The following VNN2 variants were observed in gnomAD, a reference collection of about 807,000 sequenced individuals.
VNN2 encodes the protein vanin 2.
Under a neutral mutation model 43.0 loss-of-function variants are expected in VNN2, and 43 were observed. The ratio of observed to expected loss-of-function variants is 1.00; its 90% confidence interval spans 0.78 to 1.29. VNN2 has a LOEUF of 1.29. VNN2 is among the 50% of genes most tolerant of loss of function. The probability of loss-of-function intolerance (pLI) is 0.00; values close to 1 mark genes in which losing one functional copy is unlikely to be tolerated. For synonymous variants in VNN2, 230 were observed against 224.3 expected (o/e 1.03, Z -0.23); for missense variants, 652 against 619.7 (o/e 1.05, Z -0.55).
chr6:132,755,962 A>C lies in VNN2; in HGVS notation c.418T>G (p.Leu140Val), dbSNP rs917019142. 2 of 1,613,946 alleles carry C rather than the reference A, an allele frequency of 1.2e-6. No individual in the cohort carries two copies. The highest frequency in any genetic ancestry group is 1.7e-6 in the Non-Finnish European group (2 of 1,179,992). The change falls in exon 3 of 7, where the codon TTG becomes GTG. Residue 140 changes from leucine to valine, a missense_variant. Coordinates refer to ENST00000326499, the MANE Select transcript of VNN2 (RefSeq NM_004665.6). ...KDNSIYVLAN[L>V]GDKKPCNSRD... ...GAATTACATGGCTTTTTGTCCCCCA[A>C]ATTTGCCAAGACATAGATAGAGTTG... is the stretch of plus-strand genomic sequence containing the variant.
chr6:132,755,770 A>T, intron 3 of VNN2, 73 bp downstream of exon 3: 2 of 1,428,240 alleles, frequency 1.4e-6, no homozygotes, highest in Non-Finnish European at 1.9e-6. Context: ...TAGGGAATGA[A>T]ATTCAAACTC....
At chr6:132,762,125 A>AC (rs2114646715), upstream of VNN2, among the ~76,000 whole-genome samples, 1 of 152,256 alleles carries the variant, frequency 6.6e-6, no homozygotes, top group East Asian at 1.9e-4. Flanking sequence ...CTGGGCATCA[A>AC]CTCCTGATTC....
chr6:132,744,587 T>C, intron 6 of VNN2, 96 bp from the exon 7 acceptor site: 1 of 1,216,052 alleles, frequency 8.2e-7, no homozygotes, highest in Non-Finnish European at 1.1e-6. Flanking sequence ...TAATGTATAG[T>C]CAAATCATTT....
intron 3 of VNN2, among the ~76,000 whole-genome samples, chr6:132,754,404 T>C (rs1285716013): frequency 3.9e-5 from 6 of 152,194 alleles, no homozygotes; most frequent in Non-Finnish European, 4.4e-5. Flanking sequence ...AAAATACATA[T>C]ATTGAGGACT....
chr6:132,757,616 C>G (rs555291920), intron 1 of VNN2, 55 bp downstream of exon 1: 1 of 1,607,418 alleles, frequency 6.2e-7, no homozygotes, highest in African/African-American at 1.3e-5. Context: ...CTCTCGTCTT[C>G]CACCAGCTCC....
At chr6:132,760,303 T>C (rs1780710268), upstream of VNN2, among the ~76,000 whole-genome samples, 1 of 152,164 alleles carries the variant, frequency 6.6e-6, no homozygotes, top group Admixed American at 6.5e-5. Flanking sequence ...GCCTCGCTAG[T>C]AGCTGGAACA....
In VNN2 at chr6:132,751,360, GT is replaced by G; in HGVS notation, c.984del (p.Lys328AsnfsTer42). The G allele has an allele frequency of 6.2e-7, 1 of 1,614,166 alleles. No homozygotes were observed. The highest frequency in any genetic ancestry group is 8.5e-7 in the Non-Finnish European group (1 of 1,180,024). On this transcript the variant is annotated frameshift_variant, in exon 5 of 7. Transcript: ENST00000326499. LOFTEE classifies it high-confidence loss of function. Reference sequence around the variant, plus strand: ...AAAGTGTTTTTCTGTACTGGAAATGGTTTGATGGTGGTGGCGTAGGCATTCC... The same window carrying G: ...AAAGTGTTTTTCTGTACTGGAAATGGTTGATGGTGGTGGCGTAGGCATTCC... ...VNWNAYATTI[K>X]PFPVQKNTFR...
Position 132,752,612 on chromosome 6 carries a change from T to G in VNN2, c.675A>C (p.Lys225Asn). ...FFYDPGVTLVKDFHVDTILFP... is the reference protein window; with the variant it reads ...FFYDPGVTLVNDFHVDTILFP... ...ACAGTATGGTGTCCACATGGAAATC[T>G]TTCACCAGGGTAACACCAGGATCAT... The change falls in exon 4 of 7, where the codon AAA becomes AAC. Residue 225 changes from lysine (K) to asparagine (N), a missense_variant. Transcript: ENST00000326499. 1.9e-6 allele frequency: 3 copies of G among 1,614,152 alleles called. No individual in the cohort carries two copies. Among genetic ancestry groups the G allele is most frequent in the Non-Finnish European group, 2.5e-6 (3 of 1,180,024 alleles).
intron 3 of VNN2, 95 bp from the exon 4 acceptor site, chr6:132,752,844 G>A (rs1364021815): frequency 2.2e-6 from 3 of 1,361,256 alleles, no homozygotes; most frequent in Non-Finnish European, 3.0e-6. Context: ...TTTGGCTATG[G>A]TCAACTGCAG....
intron 6 of VNN2, among the ~76,000 whole-genome samples, chr6:132,747,596 A>T (rs192039421): frequency 2.8e-4 from 43 of 152,298 alleles, no homozygotes; most frequent in African/African-American, 1.0e-3. Context: ...CAGTCTGGGC[A>T]ACACAGCGAG....
chr6:132,747,815 C>T (rs1350746545), intron 6 of VNN2, among the ~76,000 whole-genome samples: 2 of 152,184 alleles, frequency 1.3e-5, no homozygotes, highest in Non-Finnish European at 2.9e-5. Context: ...CGTTCTCCAA[C>T]TCTTCATGCA....
intron 5 of VNN2, among the ~76,000 whole-genome samples, chr6:132,750,499 A>ATGTATATATGTG (rs747127982): frequency 5.7e-5 from 4 of 70,012 alleles, no homozygotes; most frequent in African/African-American, 1.1e-4. Flanking sequence ...GTATATGTGT[A>ATGTATATATGTG]TATATATATA....
exon 1 of VNN2, chr6:132,763,398 G>A (rs1320120066): frequency 6.6e-6 from 1 of 152,100 alleles, no homozygotes; most frequent in African/African-American, 2.4e-5. Flanking sequence ...TAGTCAAGGG[G>A]GAGCCTTCCA....
chr6:132,753,406 C>T (rs1368681500), intron 3 of VNN2: 5 of 419,816 alleles, frequency 1.2e-5, no homozygotes, highest in African/African-American at 2.1e-5. Flanking sequence ...TTAATAGATG[C>T]ATAATAAATA....
upstream of VNN2, among the ~76,000 whole-genome samples, chr6:132,761,100 A>G (rs1477705433): frequency 6.6e-6 from 1 of 152,204 alleles, no homozygotes; most frequent in Non-Finnish European, 1.5e-5. Context: ...CTTCAGAAGT[A>G]AAAAACCAAA....
At chr6:132,750,400 G>A (rs937216193) in intron 5 of VNN2, among the ~76,000 whole-genome samples, 7 of 151,584 alleles carry the variant, frequency 4.6e-5, no homozygotes, top group Non-Finnish European at 1.0e-4. Flanking sequence ...AGCAATTTGG[G>A]AGGCCGAGGC....
At chr6:132,747,284 TG>T (rs1462876551) in intron 6 of VNN2, among the ~76,000 whole-genome samples, 2 of 152,142 alleles carry the variant, frequency 1.3e-5, no homozygotes, top group Middle Eastern at 3.2e-3. Context: ...AAATATCTCC[TG>T]TAACCCATAA....
upstream of VNN2, among the ~76,000 whole-genome samples, chr6:132,760,186 T>C (rs906894372): frequency 6.6e-6 from 1 of 152,200 alleles, no homozygotes; most frequent in Non-Finnish European, 1.5e-5. Flanking sequence ...TTTTGTTTTT[T>C]TGTTTTGAGA....
At position 132,744,209 on chromosome 6, in the gene VNN2, T is replaced by C; in HGVS notation, c.*91A>G. The C allele has an allele frequency of 8.4e-7, 1 of 1,183,736 alleles. No homozygotes were observed. The highest frequency in any genetic ancestry group is 1.2e-6 in the Non-Finnish European group (1 of 834,200). 73.3% of individuals were successfully genotyped at this position (1,183,736 alleles called of 1,614,324 possible). A position where few individuals can be genotyped will look rare whatever the true frequency, so the allele number is the denominator to read the frequency against. On this transcript the variant is annotated 3_prime_UTR_variant, in exon 7 of 7. Transcript: ENST00000326499. ...GACTCACTGGTCTATACTACTGAAA[T>C]AGCCCTTCAAAGTTTCTTAGTAAAC...
Sources: gnomAD v4.1 joint callset for allele counts (sites outside exome capture counted in the v4.1 genomes callset) on GRCh38, gnomAD v4.1.1 for gene constraint, MANE v1.5 for transcripts, NCBI Gene and HGNC (gene_info 2026-07-23, HGNC 2026-07-21) for gene names.